GPC5: variants seen among roughly 807,000 people sequenced by gnomAD.
The protein encoded by GPC5 is glypican 5.
A neutral mutation model predicts 53.9 loss-of-function variants in GPC5; 47 were observed. That is an observed-to-expected ratio of 0.87 (90% confidence interval 0.69 to 1.11). The LOEUF is 1.11. Ranked by LOEUF, GPC5 falls within the 50% of genes most tolerant of loss-of-function variation. GPC5 has a pLI of 0.00. For missense variants in GPC5, 748 were observed against 713.1 expected, an observed-to-expected ratio of 1.05 and a Z score of -0.56; for synonymous variants, 286 against 263.3, an observed-to-expected ratio of 1.09 and a Z score of -0.84.
intron 2 of GPC5, among the ~76,000 whole-genome samples, chr13:91,663,206 G>C (rs371510077): frequency 2.6e-5 from 4 of 152,142 alleles, no homozygotes; most frequent in East Asian, 3.9e-4. Context: ...CAATTGTAAA[G>C]ACCCATATTT....
chr13:91,607,282 G>A (rs1438838628), intron 2 of GPC5, among the ~76,000 whole-genome samples: 2 of 152,210 alleles, frequency 1.3e-5, no homozygotes, highest in African/African-American at 4.8e-5. Context: ...GTGGTTGGAT[G>A]TGGAGTTTGC....
In GPC5 at chr13:91,410,557, A is replaced by C. The variant is rs543364811; in HGVS notation, c.163+11348A>C. 7.2e-3 allele frequency among the ~76,000 whole-genome samples: 1,099 copies of C among 151,708 alleles called. 8 individuals are homozygous for C. Among genetic ancestry groups the C allele is most frequent in the Non-Finnish European group, 0.01 (702 of 67,882 alleles). On this transcript the variant is annotated intron_variant, in intron 1 of 7. Transcript: ENST00000377067. ...GAGACGGGGTTTCACTGTGTTAGCC[A>C]GGATGGTCTCGATCTCCTGACCTCG...
chr13:91,942,189 T>G (rs989400155), intron 6 of GPC5, among the ~76,000 whole-genome samples: 4 of 152,088 alleles, frequency 2.6e-5, no homozygotes, highest in African/African-American at 4.8e-5. Context: ...AAGCTTCAAT[T>G]TACCCTTTTC....
Position 92,149,330 on chromosome 13 carries a change from G to A in GPC5, c.1561+4341G>A, listed in dbSNP as rs114378737. Among the ~76,000 whole-genome samples, 740 of 152,088 alleles carry A rather than the reference G, an allele frequency of 4.9e-3. 10 individuals are homozygous for A. Among genetic ancestry groups the A allele is most frequent in the African/African-American group, 0.016 (667 of 41,514 alleles). ...CTGATAGCACTATCCAGTTCATAAA[G>A]CATTTCCCAGTGTAATACCTTAGGA... On this transcript the variant is annotated intron_variant, in intron 7 of 7. Transcript: ENST00000377067.
intron 6 of GPC5, among the ~76,000 whole-genome samples, chr13:92,069,400 G>A (rs1022305363): frequency 7.6e-6 from 1 of 131,510 alleles, no homozygotes; most frequent in Non-Finnish European, 1.6e-5. Context: ...ATCATAATGT[G>A]TGCGTGCATG....
chr13:91,447,644 G>C (rs1880898114), intron 1 of GPC5, among the ~76,000 whole-genome samples: 1 of 152,120 alleles, frequency 6.6e-6, no homozygotes, highest in Non-Finnish European at 1.5e-5. Context: ...TGTGGAAAAA[G>C]TAGGAAGGGC....
chr13:92,520,223 C>T (rs1051019772), intron 7 of GPC5, among the ~76,000 whole-genome samples: 10 of 152,138 alleles, frequency 6.6e-5, no homozygotes, highest in African/African-American at 2.4e-4. Flanking sequence ...GGTACCATTC[C>T]TTCTGAAACT....
At position 92,844,111 on chromosome 13, in the gene GPC5, G is replaced by T. The variant is rs561803029; in HGVS notation, c.1562-22171G>T. On this transcript the variant is annotated intron_variant, in intron 7 of 7. Transcript: ENST00000377067. The stretch of plus-strand genomic sequence containing the variant: ...GTGGGGAAAAGAAGCAGATTTGATT[G>T]ATTTTGTAAGTGACAGTTACTTCTT... Among the ~76,000 whole-genome samples, 15 of 151,934 alleles carry T rather than the reference G, an allele frequency of 9.9e-5. No homozygotes were observed. The South Asian group carries it at 3.1e-3, about 32-fold the overall frequency.
At chr13:92,622,359 C>T (rs542300790) in intron 7 of GPC5, among the ~76,000 whole-genome samples, 3 of 152,188 alleles carry the variant, frequency 2.0e-5, no homozygotes, top group Admixed American at 1.3e-4. Flanking sequence ...GTTGCTCACA[C>T]CAGATGCTGC....
intron 6 of GPC5, among the ~76,000 whole-genome samples, chr13:91,932,750 T>G (rs765213588): frequency 9.2e-5 from 14 of 151,962 alleles, no homozygotes; most frequent in Admixed American, 6.6e-4. Context: ...AGCTCTCAAA[T>G]GAGCTATTGT....
chr13:92,415,028 C>G (rs1279878392), intron 7 of GPC5, among the ~76,000 whole-genome samples: 5 of 152,128 alleles, frequency 3.3e-5, no homozygotes, highest in African/African-American at 1.2e-4. Flanking sequence ...AAATATTTAA[C>G]AAGCCCTAAG....
chr13:92,527,249 G>GAGAAAGAA lies in GPC5; in HGVS notation c.1562-339007_1562-339000dup, dbSNP rs199630577. Among the ~76,000 whole-genome samples the GAGAAAGAA allele has an allele frequency of 3.9e-3, 127 of 32,710 alleles. 7 individuals carry two copies. Among genetic ancestry groups the GAGAAAGAA allele is most frequent in the African/African-American group, 8.5e-3 (82 of 9,636 alleles). 21.5% of individuals were successfully genotyped at this position (32,710 alleles called of 152,430 possible). On this transcript the variant is annotated intron_variant, in intron 7 of 7. Transcript: ENST00000377067. ...AGAAAGAAAGAAAGAAAGAAAGAAA[G>GAGAAAGAA]AGAAAGAAAGAAAGAAAGAAAGAAA...
chr13:92,271,960 C>T (rs2042842618), intron 7 of GPC5, among the ~76,000 whole-genome samples: 1 of 152,126 alleles, frequency 6.6e-6, no homozygotes, highest in Non-Finnish European at 1.5e-5. Flanking sequence ...CAACATTGAG[C>T]CTAATAGGAT....
intron 6 of GPC5, among the ~76,000 whole-genome samples, chr13:92,096,521 A>T (rs1268047266): frequency 6.6e-6 from 1 of 152,238 alleles, no homozygotes; most frequent in African/African-American, 2.4e-5. Flanking sequence ...GTTAAAGCTT[A>T]ATCTCTATTA....
At position 91,689,190 on chromosome 13, in the gene GPC5, T is replaced by A. The variant is rs867439893; in HGVS notation, c.326-3997T>A. On this transcript the variant is annotated intron_variant, in intron 2 of 7. Coordinates refer to ENST00000377067, the MANE Select transcript of GPC5 (RefSeq NM_004466.6). ...TCTCAAAAAATCATATATAAATATATATATATATATATATATATATATATA... is the reference window on the plus strand; with the variant it reads ...TCTCAAAAAATCATATATAAATATAAATATATATATATATATATATATATA... 1.6e-4 allele frequency among the ~76,000 whole-genome samples: 12 copies of A among 74,610 alleles called. 1 individual carries two copies. The highest frequency in any genetic ancestry group is 5.9e-4 in the African/African-American group (7 of 11,816). The allele number at this position is 74,610 out of a possible 152,430, so 48.9% of individuals were successfully genotyped here. A position where few individuals can be genotyped will look rare whatever the true frequency, so the allele number is the denominator to read the frequency against.
chr13:92,834,412 T>C (rs969342784), intron 7 of GPC5, among the ~76,000 whole-genome samples: 1 of 152,134 alleles, frequency 6.6e-6, no homozygotes, highest in Non-Finnish European at 1.5e-5. Context: ...AAATTGCTTC[T>C]ACTAACTCTG....
At chr13:91,515,492 G>A (rs190077930) in intron 2 of GPC5, among the ~76,000 whole-genome samples, 105 of 152,234 alleles carry the variant, frequency 6.9e-4, no homozygotes, top group Non-Finnish European at 1.3e-3. Flanking sequence ...TACATAAAAG[G>A]CTACAGAGGC....
At chr13:91,399,501 A>G (rs1325762211) in intron 1 of GPC5, among the ~76,000 whole-genome samples, 2 of 152,186 alleles carry the variant, frequency 1.3e-5, no homozygotes, top group African/African-American at 4.8e-5. Context: ...GAAAGCAGAC[A>G]TCAGGGCGTG....
chr13:91,978,054 G>A (rs934941361), intron 6 of GPC5, among the ~76,000 whole-genome samples: 4 of 152,144 alleles, frequency 2.6e-5, no homozygotes, highest in African/African-American at 9.7e-5. Flanking sequence ...AGAGAAGGCT[G>A]AGGTGAGAGG....
Sources: allele counts gnomAD v4.1 joint callset (sites outside exome capture counted in the v4.1 genomes callset), GRCh38; gene constraint gnomAD v4.1.1; transcripts MANE v1.5; gene names NCBI Gene and HGNC (gene_info 2026-07-23, HGNC 2026-07-21).